CADM2: variants seen among roughly 807,000 people sequenced by gnomAD.
The protein encoded by CADM2 is cell adhesion molecule 2, also known as immunoglobulin superfamily member 4D.
In CADM2, 12 loss-of-function variants were observed where a neutral mutation model predicts 49.8. The observed-to-expected ratio is 0.24, with a 90% CI of 0.15 to 0.39. The LOEUF is 0.39. Among genes scored for constraint, CADM2 ranks in the 10% least tolerant of loss-of-function variants. CADM2 has a pLI of 1.00. For synonymous variants in CADM2, 214 were observed against 175.4 expected (o/e 1.22, Z -1.74); for missense variants, 378 against 492.3 (o/e 0.77, Z 2.20).
intron 4 of CADM2, among the ~76,000 whole-genome samples, chr3:85,885,510 C>T (rs1001854519): frequency 4.0e-5 from 6 of 151,826 alleles, no homozygotes; most frequent in East Asian, 1.9e-4. Context: ...CCCACCTCCC[C>T]GTATCTACTA....
chr3:85,846,138 G>T (rs1330282182), intron 3 of CADM2, among the ~76,000 whole-genome samples: 2 of 152,132 alleles, frequency 1.3e-5, no homozygotes, highest in Admixed American at 1.3e-4. Flanking sequence ...TTTAGATAAA[G>T]TATCAAACTT....
chr3:85,295,490 A>C (rs2043934138), intron 1 of CADM2, among the ~76,000 whole-genome samples: 1 of 152,148 alleles, frequency 6.6e-6, no homozygotes, highest in South Asian at 2.1e-4. Flanking sequence ...ACACGTGCAC[A>C]TGTATGTTTA....
At chr3:85,070,675 A>G (rs1187088738) in intron 1 of CADM2, among the ~76,000 whole-genome samples, 1 of 152,134 alleles carries the variant, frequency 6.6e-6, no homozygotes, top group Non-Finnish European at 1.5e-5. Flanking sequence ...CTAATACTAT[A>G]AATATGGCAT....
chr3:85,816,459 A>G (rs776594855), intron 3 of CADM2, among the ~76,000 whole-genome samples: 6 of 152,152 alleles, frequency 3.9e-5, no homozygotes, highest in African/African-American at 7.2e-5. Flanking sequence ...TACAATGTAC[A>G]GTCTCCAGTG....
At chr3:85,236,227 G>A (rs1195941903) in intron 1 of CADM2, among the ~76,000 whole-genome samples, 1 of 151,704 alleles carries the variant, frequency 6.6e-6, no homozygotes, top group African/African-American at 2.4e-5. Context: ...CTTCCCTCAG[G>A]TGTTCATATA....
chr3:85,464,217 T>C (rs947619407), intron 1 of CADM2, among the ~76,000 whole-genome samples: 20 of 152,240 alleles, frequency 1.3e-4, no homozygotes, highest in African/African-American at 4.3e-4. Context: ...AAAATATAGA[T>C]GGACTCGAAA....
intron 2 of CADM2, among the ~76,000 whole-genome samples, chr3:85,769,267 A>G (rs13090392): frequency 0.23 from 10,048 of 44,238 alleles, 1,686 homozygotes; most frequent in African/African-American, 0.27. Flanking sequence ...ATATATACAC[A>G]TATATACATA....
chr3:85,126,504 T>A (rs1194867864), intron 1 of CADM2, among the ~76,000 whole-genome samples: 1 of 152,158 alleles, frequency 6.6e-6, no homozygotes, highest in African/African-American at 2.4e-5. Context: ...TTGCAAAGTT[T>A]TGTGTGTGTA....
intron 1 of CADM2, among the ~76,000 whole-genome samples, chr3:85,096,948 T>C (rs2037820900): frequency 6.6e-6 from 1 of 152,170 alleles, no homozygotes; most frequent in Non-Finnish European, 1.5e-5. Context: ...AGGAAAGATG[T>C]TGGAAATGCT....
intron 1 of CADM2, among the ~76,000 whole-genome samples, chr3:85,353,393 C>G (rs942316407): frequency 1.3e-5 from 2 of 151,932 alleles, no homozygotes; most frequent in Non-Finnish European, 2.9e-5. Flanking sequence ...TTGTTCTTGC[C>G]CCTTAAAATT....
chr3:85,362,140 G>C (rs1026734477), intron 1 of CADM2, among the ~76,000 whole-genome samples: 1 of 152,078 alleles, frequency 6.6e-6, no homozygotes, highest in African/African-American at 2.4e-5. Flanking sequence ...AATGAAATTA[G>C]GCATATGGAA....
chr3:86,012,376 CTTG>C (rs1731612466), intron 8 of CADM2, among the ~76,000 whole-genome samples: 1 of 152,158 alleles, frequency 6.6e-6, no homozygotes, highest in South Asian at 2.1e-4. Context: ...GCTTTATTGT[CTTG>C]TTGTCATGGT....
rs554390391 is a variant in CADM2, at chr3:86,016,145, T to C, written c.971-49460T>C. 2.1e-3 allele frequency among the ~76,000 whole-genome samples: 325 copies of C among 152,136 alleles called. 1 individual carries two copies. Among genetic ancestry groups the C allele is most frequent in the African/African-American group, 7.5e-3 (313 of 41,542 alleles). On this transcript the variant is annotated intron_variant, in intron 8 of 9. Coordinates refer to ENST00000383699, the MANE Select transcript of CADM2 (RefSeq NM_001167675.2). ...CTCATGTCAGTCTTTTGATACACTA[T>C]TTTTTTAGTACATTCTAATACTATA... is the stretch of plus-strand genomic sequence containing the variant.
rs571894853 is a variant in CADM2, at chr3:86,068,540, A to T, written c.*1757A>T. The T allele has an allele frequency of 2.0e-5, 3 of 152,086 alleles. No individual in the cohort carries two copies. In the South Asian group the frequency reaches 6.2e-4, roughly 31 times the overall value. The allele number at this position is 152,086 out of a possible 1,614,324, so 9.4% of individuals were successfully genotyped here. ...TGGGTAATAAGAATGGTTGAGTGCAACATCATGTATTAATATCAAATGAAA... is the reference window on the plus strand; with the variant it reads ...TGGGTAATAAGAATGGTTGAGTGCATCATCATGTATTAATATCAAATGAAA... On this transcript the variant is annotated 3_prime_UTR_variant, in exon 10 of 10. Coordinates refer to ENST00000383699, the MANE Select transcript of CADM2 (RefSeq NM_001167675.2).
At chr3:84,983,361 G>GT (rs199926849) in intron 1 of CADM2, among the ~76,000 whole-genome samples, 22,414 of 142,210 alleles carry the variant, frequency 0.16, 2,230 homozygotes, top group African/African-American at 0.29. Context: ...GTCTATATCT[G>GT]TTTTTTTTTT....
chr3:85,316,325 A>G (rs1330090809), intron 1 of CADM2, among the ~76,000 whole-genome samples: 1 of 152,196 alleles, frequency 6.6e-6, no homozygotes, highest in African/African-American at 2.4e-5. Flanking sequence ...CTTGGAATAT[A>G]TAAGTTGAGT....
intron 1 of CADM2, among the ~76,000 whole-genome samples, chr3:85,513,048 C>A (rs1349684263): frequency 6.6e-6 from 1 of 151,944 alleles, no homozygotes; most frequent in Non-Finnish European, 1.5e-5. Flanking sequence ...CGTGTAATAT[C>A]TAAATTAATA....
At chr3:85,726,717 A>G (rs773112400) in intron 2 of CADM2, among the ~76,000 whole-genome samples, 169 bp downstream of exon 2, 5 of 152,108 alleles carry the variant, frequency 3.3e-5, no homozygotes, top group South Asian at 2.1e-4. Context: ...CAGTTATCCA[A>G]TTTCTGAGAC....
At chr3:85,319,277 T>C (rs980579938) in intron 1 of CADM2, among the ~76,000 whole-genome samples, 5 of 152,130 alleles carry the variant, frequency 3.3e-5, no homozygotes, top group African/African-American at 1.2e-4. Context: ...GAATGGCTAT[T>C]AAAAAGTCAA....
Sources: allele counts gnomAD v4.1 joint callset (sites outside exome capture counted in the v4.1 genomes callset), GRCh38; gene constraint gnomAD v4.1.1; transcripts MANE v1.5; gene names NCBI Gene and HGNC (gene_info 2026-07-23, HGNC 2026-07-21).